The following GALNT17 variants were observed in gnomAD, a reference collection of about 807,000 sequenced individuals.
The protein encoded by GALNT17 is polypeptide N-acetylgalactosaminyltransferase 17, also known as UDP-GalNAc:polypeptide N-acetylgalactosaminyltransferase-like 3.
In GALNT17, 29 loss-of-function variants were observed where a neutral mutation model predicts 63.7. The observed-to-expected ratio is 0.46, with a 90% confidence interval of 0.34 to 0.62. The LOEUF (loss-of-function observed/expected upper bound fraction) is 0.62, where lower values mean the gene tolerates loss of function less well. GALNT17 is among the 20% of genes least tolerant of loss of function. The pLI, the probability that GALNT17 is intolerant of heterozygous loss-of-function variation, is 0.01. For missense variants in GALNT17, 603 were observed against 799.6 expected, an observed-to-expected ratio of 0.75 and a Z score of 2.97; for synonymous variants, 305 against 318.3, an observed-to-expected ratio of 0.96 and a Z score of 0.45.
At chr7:71,337,911 T>G (rs1375642732) in intron 2 of GALNT17, among the ~76,000 whole-genome samples, 6 of 151,658 alleles carry the variant, frequency 4.0e-5, no homozygotes, top group Non-Finnish European at 8.8e-5. Flanking sequence ...CAAAAAAACT[T>G]GGGGCTGAGT....
intron 5 of GALNT17, among the ~76,000 whole-genome samples, chr7:71,441,707 A>C (rs772365904): frequency 1.7e-3 from 252 of 150,926 alleles, no homozygotes; most frequent in Non-Finnish European, 2.7e-3. Flanking sequence ...TCATTGGTCA[A>C]CTCCCACTTA....
chr7:71,139,805 C>T (rs1322294102), intron 1 of GALNT17, among the ~76,000 whole-genome samples: 1 of 152,048 alleles, frequency 6.6e-6, no homozygotes, highest in Non-Finnish European at 1.5e-5. Flanking sequence ...CCAGCCTGGC[C>T]AACATGGTGA....
At chr7:71,531,085 A>T (rs1422395325) in intron 5 of GALNT17, among the ~76,000 whole-genome samples, 1 of 152,204 alleles carries the variant, frequency 6.6e-6, no homozygotes, top group Non-Finnish European at 1.5e-5. Flanking sequence ...TATTTTTATT[A>T]AAATATTTTT....
At position 71,337,417 on chromosome 7, in the gene GALNT17, G is replaced by A. The variant is rs114167541; in HGVS notation, c.422+1684G>A. On this transcript the variant is annotated intron_variant, in intron 2 of 10. Transcript: ENST00000333538. ...GGATATTTTTGGAGATTCTTGATAC[G>A]TATTATAATATTTTCCTCCAGAAAA... is the stretch of plus-strand genomic sequence containing the variant. 4.6e-3 allele frequency among the ~76,000 whole-genome samples: 701 copies of A among 152,150 alleles called. 5 individuals carry two copies. Among genetic ancestry groups the A allele is most frequent in the African/African-American group, 0.016 (669 of 41,516 alleles).
chr7:71,536,456 C>T (rs1023114235), intron 5 of GALNT17, among the ~76,000 whole-genome samples: 2 of 152,182 alleles, frequency 1.3e-5, no homozygotes, highest in Non-Finnish European at 2.9e-5. Flanking sequence ...GGAAAAGAGG[C>T]TTAATTGGAC....
At chr7:71,541,427 C>T (rs1449399670) in intron 5 of GALNT17, among the ~76,000 whole-genome samples, 6 of 151,962 alleles carry the variant, frequency 3.9e-5, no homozygotes, top group Non-Finnish European at 8.8e-5. Flanking sequence ...GCAGCAGGCA[C>T]CTGTAATCCC....
At chr7:71,207,961 G>T (rs1789305219) in intron 1 of GALNT17, among the ~76,000 whole-genome samples, 3 of 151,268 alleles carry the variant, frequency 2.0e-5, no homozygotes, top group East Asian at 3.9e-4. Context: ...TTGAGACAGG[G>T]TCTTGCTCTG....
intron 1 of GALNT17, among the ~76,000 whole-genome samples, chr7:71,264,781 C>T (rs1347967785): frequency 6.6e-6 from 1 of 151,802 alleles, no homozygotes; most frequent in African/African-American, 2.4e-5. Flanking sequence ...AAAAAGTCGA[C>T]CTCATGGGGC....
chr7:71,321,858 CTTCCTTCCT>C (rs1791612156), intron 1 of GALNT17, among the ~76,000 whole-genome samples: 1 of 139,880 alleles, frequency 7.1e-6, no homozygotes, highest in African/African-American at 2.8e-5. Flanking sequence ...CCTTTCCTTC[CTTCCTTCCT>C]TTCCTTCCTT....
At position 71,519,786 on chromosome 7, in the gene GALNT17, GT is replaced by G. The variant is rs1190674213; in HGVS notation, c.963-51498del. On this transcript the variant is annotated intron_variant, in intron 5 of 10. Coordinates refer to ENST00000333538, the MANE Select transcript of GALNT17 (RefSeq NM_022479.3). ...GCCTAGTATTTTAAGTTAGACTTTT[GT>G]CCTCCCTTTTTGTGTCCAGTCAGTA... Among the ~76,000 whole-genome samples the G allele has an allele frequency of 1.4e-4, 21 of 152,064 alleles. No homozygotes were observed. In the East Asian group the frequency reaches 3.5e-3, roughly 25 times the overall value.
At chr7:71,456,871 A>G (rs893785152) in intron 5 of GALNT17, among the ~76,000 whole-genome samples, 4 of 152,122 alleles carry the variant, frequency 2.6e-5, no homozygotes, top group Admixed American at 2.6e-4. Context: ...TTTTAGGGAG[A>G]TGGAGACGTG....
chr7:71,173,205 G>T (rs1363311553), intron 1 of GALNT17, among the ~76,000 whole-genome samples: 2 of 152,088 alleles, frequency 1.3e-5, no homozygotes, highest in Admixed American at 6.6e-5. Context: ...TCTCAGATGC[G>T]GAAGTGCACT....
chr7:71,558,376 G>A (rs1414847132), intron 5 of GALNT17, among the ~76,000 whole-genome samples: 4 of 151,948 alleles, frequency 2.6e-5, no homozygotes, highest in Non-Finnish European at 5.9e-5. Context: ...GTGTGTACAG[G>A]TGACATGTTG....
chr7:71,407,281 G>A (rs1178686002), intron 3 of GALNT17, among the ~76,000 whole-genome samples: 2 of 152,204 alleles, frequency 1.3e-5, no homozygotes, highest in Non-Finnish European at 2.9e-5. Context: ...TAGGAGCAGA[G>A]ATGTGCCCAG....
Position 71,388,293 on chromosome 7 carries a change from G to A in GALNT17, c.481G>A (p.Val161Met), listed in dbSNP as rs1400903913. The change falls in exon 3 of 11, where the codon GTG becomes ATG. Residue 161 changes from valine (V) to methionine (M), a missense_variant. Coordinates refer to ENST00000333538, the MANE Select transcript of GALNT17 (RefSeq NM_022479.3). ...CCAGATATCCATCATATTCATCTTC[G>A]TGAACGAGGCCCTGTCGGTGATCCT... is the stretch of plus-strand genomic sequence containing the variant. The part of the protein sequence containing the change: ...LPQISIIFIF[V>M]NEALSVILRS... The A allele has an allele frequency of 4.3e-6, 7 of 1,613,798 alleles. No homozygotes were observed. The highest frequency in any genetic ancestry group is 5.1e-6 in the Non-Finnish European group (6 of 1,180,000).
intron 1 of GALNT17, among the ~76,000 whole-genome samples, chr7:71,169,294 C>T (rs1372375912): frequency 1.3e-5 from 2 of 152,276 alleles, no homozygotes; most frequent in Non-Finnish European, 2.9e-5. Context: ...CCAGCATCCC[C>T]CCTAGGCTCT....
chr7:71,571,176 TGGAACCAGTACATGCTAGACC>T (rs1789435920), intron 5 of GALNT17, 88 bp from the exon 6 acceptor site: 2 of 710,170 alleles, frequency 2.8e-6, no homozygotes, highest in African/African-American at 1.8e-5. Flanking sequence ...CATGCTAGGC[TGGAACCAGTACATGCTAGACC>T]GGAACCAGTA....
intron 1 of GALNT17, among the ~76,000 whole-genome samples, chr7:71,175,208 C>T (rs1697599926): frequency 6.6e-6 from 1 of 152,116 alleles, no homozygotes; most frequent in Non-Finnish European, 1.5e-5. Context: ...ATCCCTCCAT[C>T]CATCCATCCC....
At chr7:71,357,017 C>T (rs1462172908) in intron 2 of GALNT17, among the ~76,000 whole-genome samples, 4 of 151,970 alleles carry the variant, frequency 2.6e-5, no homozygotes, top group Admixed American at 2.0e-4. Flanking sequence ...CCTGACCGAC[C>T]TCAGGTGATC....
Sources: gnomAD v4.1 joint callset for allele counts (sites outside exome capture counted in the v4.1 genomes callset) on GRCh38, gnomAD v4.1.1 for gene constraint, MANE v1.5 for transcripts, NCBI Gene and HGNC (gene_info 2026-07-23, HGNC 2026-07-21) for gene names.